ARFGEF1: variants seen among roughly 807,000 people sequenced by gnomAD.
The protein encoded by ARFGEF1 is ARF guanine nucleotide exchange factor 1, also known as brefeldin A-inhibited guanine nucleotide-exchange protein 1.
Under a neutral mutation model 231.0 loss-of-function variants are expected in ARFGEF1, and 42 were observed. The observed-to-expected ratio is 0.18, with a 90% CI of 0.14 to 0.24. The LOEUF (loss-of-function observed/expected upper bound fraction) is 0.24. Among genes scored for constraint, ARFGEF1 ranks in the 10% least tolerant of loss-of-function variants. The pLI is 1.00. For synonymous variants in ARFGEF1, 710 were observed against 732.3 expected, an observed-to-expected ratio of 0.97 and a Z score of 0.49; for missense variants, 1,345 against 2,192.0, an observed-to-expected ratio of 0.61 and a Z score of 7.72.
At chr8:67,270,344 A>C (rs1805026353) in intron 10 of ARFGEF1, among the ~76,000 whole-genome samples, 1 of 152,206 alleles carries the variant, frequency 6.6e-6, no homozygotes, top group Non-Finnish European at 1.5e-5. Flanking sequence ...TCTCATAACA[A>C]TGCTCTAAAT....
At chr8:67,320,731 T>C (rs1409468233) in intron 1 of ARFGEF1, among the ~76,000 whole-genome samples, 3 of 151,286 alleles carry the variant, frequency 2.0e-5, no homozygotes, top group African/African-American at 7.3e-5. Context: ...CTGAGGCAGG[T>C]GGATTACCTG....
chr8:67,320,185 C>A (rs148809492), intron 1 of ARFGEF1, among the ~76,000 whole-genome samples: 2,251 of 139,482 alleles, frequency 0.016, 63 homozygotes, highest in African/African-American at 0.059. Flanking sequence ...GATCGCACCA[C>A]TGCACTCCAG....
In ARFGEF1 at chr8:67,340,788, TA is replaced by T. The variant is rs1456912372; in HGVS notation, c.124+2375del. On this transcript the variant is annotated intron_variant, in intron 1 of 38. Coordinates refer to ENST00000262215, the MANE Select transcript of ARFGEF1 (RefSeq NM_006421.5). ...CTTCCCTGGATAGTCACATTCCTCG[TA>T]ACAAGCTTCTATTGAGTATACAGAA... is the stretch of plus-strand genomic sequence containing the variant. Among the ~76,000 whole-genome samples the T allele has an allele frequency of 3.9e-5, 6 of 152,280 alleles. No homozygotes were observed. The East Asian group carries it at 1.2e-3, about 29-fold the overall frequency.
At chr8:67,338,630 TCAGTC>T (rs1808456544) in intron 1 of ARFGEF1, among the ~76,000 whole-genome samples, 1 of 152,250 alleles carries the variant, frequency 6.6e-6, no homozygotes, top group Non-Finnish European at 1.5e-5. Context: ...AACATTTATT[TCAGTC>T]AACACTATTC....
chr8:67,200,526 A>C lies in ARFGEF1; in HGVS notation c.5268-13T>G, dbSNP rs1215279995. The stretch of plus-strand genomic sequence containing the variant: ...TTCACTGCAGACACTGCAAAAGAAA[A>C]GGTTTCCTTTAATGTTACTTGCGTA... On this transcript the variant is annotated splice_polypyrimidine_tract_variant and intron_variant, in intron 37 of 38. Transcript: ENST00000262215. 6.6e-7 allele frequency: 1 copy of C among 1,513,646 alleles called. No individual in the cohort carries two copies. The highest frequency in any genetic ancestry group is 9.2e-7 in the Non-Finnish European group (1 of 1,091,048). The allele number at this position is 1,513,646 out of a possible 1,614,324, so 93.8% of individuals were successfully genotyped here.
At position 67,257,756 on chromosome 8, in the gene ARFGEF1, C is replaced by A; in HGVS notation, c.2502G>T (p.Leu834Phe). The change falls in exon 17 of 39, where the codon TTG becomes TTT. Residue 834 changes from leucine (L) to phenylalanine (F), a missense_variant. Physicochemically the swap from Leu to Phe is conservative, Grantham distance 22. Transcript: ENST00000262215. ...CCTGTGGACTGTGAAGGTCTGTGGT[C>A]AACATGATAATTGAATAAGCCAAAA... The part of the protein sequence containing the change: ...AYVLAYSIIM[L>F]TTDLHSPQVK... The A allele has an allele frequency of 1.9e-6, 3 of 1,609,574 alleles. No homozygotes were observed. In the South Asian group the frequency reaches 3.3e-5, roughly 18 times the overall value.
At chr8:67,308,250 T>C (rs1023151608) in intron 1 of ARFGEF1, among the ~76,000 whole-genome samples, 1 of 152,150 alleles carries the variant, frequency 6.6e-6, no homozygotes, top group African/African-American at 2.4e-5. Context: ...CATAATAAAA[T>C]GATCACTGCA....
chr8:67,291,725 A>G, intron 6 of ARFGEF1, 122 bp downstream of exon 6: 2 of 1,308,424 alleles, frequency 1.5e-6, no homozygotes, highest in Non-Finnish European at 2.1e-6. Context: ...GTCCACAATT[A>G]CCACAATGTG....
In ARFGEF1 at chr8:67,252,323, C is replaced by G. The variant is rs373650423; in HGVS notation, c.2699-873G>C. 4.9e-5 allele frequency among the ~76,000 whole-genome samples: 7 copies of G among 142,104 alleles called. No homozygotes were observed. In the East Asian group the frequency reaches 1.1e-3, roughly 23 times the overall value. 93.2% of individuals were successfully genotyped at this position (142,104 alleles called of 152,430 possible). A position where few individuals can be genotyped will look rare whatever the true frequency, so the allele number is the denominator to read the frequency against. On this transcript the variant is annotated intron_variant, in intron 18 of 38. Coordinates refer to ENST00000262215, the MANE Select transcript of ARFGEF1 (RefSeq NM_006421.5). ...AAAAAAAAAAAAGAGGCAATGGCATCTTTGTACCACATAGGCTTGAATGAC... is the reference window on the plus strand; with the variant it reads ...AAAAAAAAAAAAGAGGCAATGGCATGTTTGTACCACATAGGCTTGAATGAC...
rs777583433 is a variant in ARFGEF1 at position 67,201,505 on chromosome 8, G to A, written c.5229C>T (p.Arg1743=). The part of the protein sequence containing the change: ...ILFRMYMDES[R]VSAWEEVQQR... ...GCTGGACCTCCTCCCAGGCACTAAC[G>A]CGGCTCTCATCCATGTACATCCGGA... Residue 1743 remains arginine (R), a synonymous_variant, in exon 37 of 39, where the codon CGC becomes CGT. Coordinates refer to ENST00000262215, the MANE Select transcript of ARFGEF1 (RefSeq NM_006421.5). The A allele has an allele frequency of 1.7e-5, 27 of 1,611,734 alleles. No individual in the cohort carries two copies. The Admixed American group carries it at 2.3e-4, about 14-fold the overall frequency.
intron 5 of ARFGEF1, among the ~76,000 whole-genome samples, chr8:67,184,943 C>CAAAAAAA (rs796384901): frequency 5.3e-4 from 30 of 56,078 alleles, no homozygotes; most frequent in African/African-American, 8.9e-4. Flanking sequence ...ACTAAAAATA[C>CAAAAAAA]AAAAAAAAAA....
At position 67,343,420 on chromosome 8, in the gene ARFGEF1, G is replaced by C. The variant is rs1247556686; in HGVS notation, c.-133C>G. ...TGGGGGATTGGAGGCGTGGAGGGCA[G>C]CGGCAGGATCAGGAAGGGGCGGGCG... On this transcript the variant is annotated 5_prime_UTR_variant, in exon 1 of 39. Transcript: ENST00000262215. The C allele has an allele frequency of 2.1e-6, 3 of 1,431,246 alleles. No individual in the cohort carries two copies. In the African/African-American group the frequency reaches 4.3e-5, roughly 20 times the overall value. The allele number at this position is 1,431,246 out of a possible 1,614,324, so 88.7% of individuals were successfully genotyped here. A position where few individuals can be genotyped will look rare whatever the true frequency, so the allele number is the denominator to read the frequency against.
chr8:67,236,929 A>AT (rs1462802691), intron 22 of ARFGEF1, among the ~76,000 whole-genome samples: 4 of 152,302 alleles, frequency 2.6e-5, no homozygotes, highest in African/African-American at 9.6e-5. Flanking sequence ...ACCAGTAAAT[A>AT]TTATCAGCAA....
intron 1 of ARFGEF1, among the ~76,000 whole-genome samples, chr8:67,325,101 C>T (rs775147335): frequency 7.9e-5 from 12 of 151,944 alleles, no homozygotes; most frequent in Non-Finnish European, 1.3e-4. Context: ...TTAGTAGATA[C>T]GGGGTTTCTC....
In ARFGEF1 at chr8:67,287,998, A is replaced by G. The variant is rs545762497; in HGVS notation, c.984T>C (p.Ile328=). 8 of 1,608,126 alleles carry G rather than the reference A, an allele frequency of 5.0e-6. No individual in the cohort carries two copies. Among genetic ancestry groups the G allele is most frequent in the Admixed American group, 1.7e-5 (1 of 58,546 alleles). Residue 328 remains isoleucine, a synonymous_variant, in exon 7 of 39, where the codon ATT becomes ATC. Coordinates refer to ENST00000262215, the MANE Select transcript of ARFGEF1 (RefSeq NM_006421.5). The part of the protein sequence containing the change: ...NHDCEEKPQD[I]VQNIVEEMVN... ...CCATTTCTTCTACAATGTTCTGTACAATGTCTTGTGGCTTTTCCTCACAAT... is the reference window on the plus strand; with the variant it reads ...CCATTTCTTCTACAATGTTCTGTACGATGTCTTGTGGCTTTTCCTCACAAT...
chr8:67,252,833 C>T (rs1254081062), intron 18 of ARFGEF1, among the ~76,000 whole-genome samples: 2 of 152,134 alleles, frequency 1.3e-5, no homozygotes, highest in African/African-American at 2.4e-5. Flanking sequence ...CTCACCTGAT[C>T]CTAAACCTCC....
intron 1 of ARFGEF1, among the ~76,000 whole-genome samples, chr8:67,303,059 C>T (rs1806573912): frequency 6.6e-6 from 1 of 151,576 alleles, no homozygotes; most frequent in Non-Finnish European, 1.5e-5. Flanking sequence ...CACTAGACTC[C>T]ACTACAATCC....
At chr8:67,186,559 C>T (rs1031667977) in intron 5 of ARFGEF1, among the ~76,000 whole-genome samples, 1 of 152,124 alleles carries the variant, frequency 6.6e-6, no homozygotes, top group Non-Finnish European at 1.5e-5. Flanking sequence ...TAAAGAACAT[C>T]TACAAAAGTC....
downstream of ARFGEF1, among the ~76,000 whole-genome samples, chr8:67,194,174 C>G (rs1837221542): frequency 6.6e-6 from 1 of 152,204 alleles, no homozygotes; most frequent in Non-Finnish European, 1.5e-5. Flanking sequence ...CAGCCCTACA[C>G]CACCCTTTTC....
Sources: allele counts gnomAD v4.1 joint callset (sites outside exome capture counted in the v4.1 genomes callset), GRCh38; gene constraint gnomAD v4.1.1; transcripts MANE v1.5; gene names NCBI Gene and HGNC (gene_info 2026-07-23, HGNC 2026-07-21).